PRKAR1B: variants seen among roughly 807,000 people sequenced by gnomAD.
PRKAR1B encodes protein kinase cAMP-dependent type I regulatory subunit beta.
Under a neutral mutation model 46.5 loss-of-function variants are expected in PRKAR1B, and 22 were observed. The ratio of observed to expected loss-of-function variants is 0.47; its 90% CI spans 0.34 to 0.68. PRKAR1B has a LOEUF of 0.68. Among genes scored for constraint, PRKAR1B ranks in the 30% least tolerant of loss-of-function variants. The pLI, the probability that PRKAR1B is intolerant of heterozygous loss-of-function variation, is 0.01. For missense variants in PRKAR1B, 445 were observed against 535.6 expected, an observed-to-expected ratio of 0.83 and a Z score of 1.67; for synonymous variants, 259 against 217.7, an observed-to-expected ratio of 1.19 and a Z score of -1.67.
chr7:720,805 A>G (rs7802011), intron 1 of PRKAR1B, among the ~76,000 whole-genome samples: 127,617 of 152,222 alleles, frequency 0.84, 53,635 homozygotes, highest in South Asian at 0.9. Flanking sequence ...CTCTTTTGCC[A>G]TCCTTTTACT....
At chr7:676,703 C>T (rs1414633479) in intron 4 of PRKAR1B, among the ~76,000 whole-genome samples, 6 of 152,228 alleles carry the variant, frequency 3.9e-5, no homozygotes, top group South Asian at 2.1e-4. Flanking sequence ...AGCTGTGACA[C>T]GCTTCTCCTG....
At chr7:555,190 C>A (rs1451135341) in intron 9 of PRKAR1B, among the ~76,000 whole-genome samples, 1 of 152,216 alleles carries the variant, frequency 6.6e-6, no homozygotes, top group African/African-American at 2.4e-5. Context: ...GGAATATGAC[C>A]CATGGGACTG....
intron 8 of PRKAR1B, among the ~76,000 whole-genome samples, chr7:583,297 G>A (rs143774266): frequency 0.025 from 3,752 of 152,174 alleles, 167 homozygotes; most frequent in African/African-American, 0.081. Context: ...AGGGGTCAAA[G>A]TCCTCCCCAA....
chr7:613,557 C>T (rs965186733), intron 4 of PRKAR1B, among the ~76,000 whole-genome samples: 3 of 152,288 alleles, frequency 2.0e-5, no homozygotes, highest in South Asian at 2.1e-4. Context: ...GGAGATGGCG[C>T]GCCAAGCTCA....
At chr7:616,199 G>A (rs1286549673) in intron 4 of PRKAR1B, among the ~76,000 whole-genome samples, 1 of 152,214 alleles carries the variant, frequency 6.6e-6, no homozygotes, top group Non-Finnish European at 1.5e-5. Flanking sequence ...CCTCGCCCCA[G>A]GTCCTGGCCC....
At chr7:572,046 C>T (rs913583794) in intron 9 of PRKAR1B, among the ~76,000 whole-genome samples, 1 of 152,232 alleles carries the variant, frequency 6.6e-6, no homozygotes, top group African/African-American at 2.4e-5. Flanking sequence ...CTCCTGGGGC[C>T]TGGGGCTGCC....
At chr7:716,743 T>G (rs1780896777) in intron 1 of PRKAR1B, 1 of 152,182 alleles carries the variant, frequency 6.6e-6, no homozygotes, top group Non-Finnish European at 1.5e-5. Flanking sequence ...GGCTGCAGCA[T>G]GTCGTGGTTT....
At chr7:585,633 C>G (rs1287626721) in intron 7 of PRKAR1B, among the ~76,000 whole-genome samples, 1 of 152,022 alleles carries the variant, frequency 6.6e-6, no homozygotes, top group African/African-American at 2.4e-5. Flanking sequence ...CTGTGTTGAA[C>G]GCCCACTCCA....
chr7:726,907 G>T, intron 1 of PRKAR1B: 1 of 1,345,414 alleles, frequency 7.4e-7, no homozygotes, highest in Non-Finnish European at 9.5e-7. Flanking sequence ...GCCAGGCCCT[G>T]CCGCCGACCC....
At chr7:704,138 A>C (rs1047828408) in intron 2 of PRKAR1B, among the ~76,000 whole-genome samples, 1 of 152,166 alleles carries the variant, frequency 6.6e-6, no homozygotes, top group Non-Finnish European at 1.5e-5. Context: ...CTAAAATTTC[A>C]CCTTAAGAAA....
At chr7:688,989 C>T (rs1779260424) in intron 2 of PRKAR1B, among the ~76,000 whole-genome samples, 1 of 152,056 alleles carries the variant, frequency 6.6e-6, no homozygotes, top group Non-Finnish European at 1.5e-5. Context: ...ACAGACAATA[C>T]AAAGAGATCC....
chr7:567,538 T>C (rs1341786557), intron 9 of PRKAR1B, among the ~76,000 whole-genome samples: 3 of 147,640 alleles, frequency 2.0e-5, no homozygotes, highest in African/African-American at 7.5e-5. Flanking sequence ...ATCATCACTA[T>C]CACCATCATC....
intron 9 of PRKAR1B, among the ~76,000 whole-genome samples, chr7:578,221 G>A (rs193278071): frequency 1.8e-4 from 27 of 152,182 alleles, no homozygotes; most frequent in Admixed American, 1.3e-4. Context: ...GTCCCTCGCC[G>A]GCACCCGGAA....
chr7:549,907 G>A lies in PRKAR1B; in HGVS notation c.*523C>T, dbSNP rs1475045727. On this transcript the variant is annotated 3_prime_UTR_variant, in exon 11 of 11. Transcript: ENST00000537384. ...GGGGTGCGGCGGGGTGCAGTGGCGC[G>A]GGCAGGGGTACACATTTGCGGGAGG... The A allele has an allele frequency of 2.6e-5, 4 of 155,330 alleles. No homozygotes were observed. The highest frequency in any genetic ancestry group is 6.3e-5 in the Admixed American group (1 of 15,936). The allele number at this position is 155,330 out of a possible 1,614,324, so 9.6% of individuals were successfully genotyped here.
chr7:629,793 G>A (rs774881591), intron 4 of PRKAR1B, among the ~76,000 whole-genome samples: 2 of 94,658 alleles, frequency 2.1e-5, no homozygotes, highest in Non-Finnish European at 4.2e-5. Flanking sequence ...CTCCGAGGGC[G>A]TCACCACCCC....
At chr7:661,951 A>G (rs1360636493) in intron 4 of PRKAR1B, among the ~76,000 whole-genome samples, 1 of 94,126 alleles carries the variant, frequency 1.1e-5, no homozygotes, top group African/African-American at 4.3e-5. Flanking sequence ...CTTCCCCTCC[A>G]TGGCACAGGT....
At chr7:589,779 C>G (rs540575910) in intron 7 of PRKAR1B, among the ~76,000 whole-genome samples, 50 of 152,366 alleles carry the variant, frequency 3.3e-4, no homozygotes, top group African/African-American at 1.1e-3. Context: ...CACAGAGCAC[C>G]TACCGTGTGC....
chr7:720,011 G>A (rs1353779929), intron 1 of PRKAR1B, among the ~76,000 whole-genome samples: 1 of 148,460 alleles, frequency 6.7e-6, no homozygotes, highest in Admixed American at 6.7e-5. Context: ...GATGGTAAGT[G>A]TGATTCCATT....
intron 4 of PRKAR1B, among the ~76,000 whole-genome samples, chr7:625,846 A>G (rs970416016): frequency 6.6e-5 from 10 of 152,202 alleles, no homozygotes; most frequent in African/African-American, 2.4e-4. Flanking sequence ...TCTCTAGTAA[A>G]AAATACACAA....
Sources: gnomAD v4.1 joint callset for allele counts (sites outside exome capture counted in the v4.1 genomes callset) on GRCh38, gnomAD v4.1.1 for gene constraint, MANE v1.5 for transcripts, NCBI Gene and HGNC (gene_info 2026-07-23, HGNC 2026-07-21) for gene names.